Variants in PLXNB1 observed in about 807,000 individuals in gnomAD.
PLXNB1 encodes plexin B1, also known as plexin-B1.
PLXNB1 carries 106 observed loss-of-function variants against 209.4 expected under a neutral mutation model. The ratio of observed to expected loss-of-function variants is 0.51; its 90% confidence interval spans 0.43 to 0.59. The LOEUF is 0.59. PLXNB1 is among the 20% of genes least tolerant of loss of function. The probability of loss-of-function intolerance (pLI) is 0.00; values close to 1 mark genes in which losing one functional copy is unlikely to be tolerated. For missense variants in PLXNB1, 2,357 were observed against 2,853.2 expected, an observed-to-expected ratio of 0.83 and a Z score of 3.96; for synonymous variants, 1,167 against 1,183.2, an observed-to-expected ratio of 0.99 and a Z score of 0.28.
At position 48,417,840 on chromosome 3, in the gene PLXNB1, G is replaced by T; in HGVS notation, c.3374+71C>A. On this transcript the variant is annotated intron_variant, in intron 16 of 37. Coordinates refer to ENST00000296440, the MANE Select transcript of PLXNB1 (RefSeq NM_001130082.3). The surrounding 1 kb of genome is among the most constrained non-coding windows in gnomAD (Gnocchi z 4.4). ...GGGGCAGATGAGCGGTGGGTGGGAG[G>T]CCCCAAGCAGCAACGCCAACCGCGG... is the stretch of plus-strand genomic sequence containing the variant. 1 of 1,474,910 alleles carries T rather than the reference G, an allele frequency of 6.8e-7. No individual in the cohort carries two copies. Among genetic ancestry groups the T allele is most frequent in the Non-Finnish European group, 9.3e-7 (1 of 1,079,460 alleles). 91.4% of individuals were successfully genotyped at this position (1,474,910 alleles called of 1,614,324 possible). A position where few individuals can be genotyped will look rare whatever the true frequency, so the allele number is the denominator to read the frequency against.
At chr3:48,422,648 G>A in intron 4 of PLXNB1, 117 bp downstream of exon 4, 1 of 1,273,620 alleles carries the variant, frequency 7.9e-7, no homozygotes, top group Non-Finnish European at 1.1e-6. Context: ...GGGGAGAGGA[G>A]CTCAGGTCAT....
chr3:48,419,223 C>T lies in PLXNB1; in HGVS notation c.2832+21G>A, dbSNP rs770287180. 12 of 1,548,386 alleles carry T rather than the reference C, an allele frequency of 7.8e-6. 1 individual carries two copies. Among genetic ancestry groups the T allele is most frequent in the South Asian group, 6.1e-5 (5 of 81,302 alleles). ...ACAGCTAAGGAGGCTGCAAGGACAG[C>T]GGCAGGCAGGACACACTGACCTGGA... On this transcript the variant is annotated intron_variant, in intron 12 of 37. Coordinates refer to ENST00000296440, the MANE Select transcript of PLXNB1 (RefSeq NM_001130082.3). The surrounding 1 kb of genome is among the most constrained non-coding windows in gnomAD (Gnocchi z 5.7).
chr3:48,424,052 C>T lies in PLXNB1; in HGVS notation c.560G>A (p.Arg187Gln), dbSNP rs1469360260. 7 of 1,593,102 alleles carry T rather than the reference C, an allele frequency of 4.4e-6. No homozygotes were observed. Among genetic ancestry groups the T allele is most frequent in the East Asian group, 2.3e-5 (1 of 43,760 alleles). Residue 187 changes from arginine (R) to glutamine (Q), a missense_variant, in exon 3 of 38, where the codon CGG becomes CAG. By Grantham distance (43) the Arg-to-Gln change is conservative. Around this residue, in one of 7 missense-constraint regions of PLXNB1, gnomAD observed 404 missense variants for 443.6 expected, o/e 0.91. Coordinates refer to ENST00000296440, the MANE Select transcript of PLXNB1 (RefSeq NM_001130082.3). ...VGGGIPPITTRALWPPDPQAA... is the reference protein window; with the variant it reads ...VGGGIPPITTQALWPPDPQAA... ...TTGGGGGTCGGGCGGCCACAGGGCCCGGGTTGTGATGGGTGGAATGCCACC... is the reference window on the plus strand; with the variant it reads ...TTGGGGGTCGGGCGGCCACAGGGCCTGGGTTGTGATGGGTGGAATGCCACC...
At chr3:48,422,636 C>G in intron 4 of PLXNB1, 129 bp downstream of exon 4, 1 of 1,255,946 alleles carries the variant, frequency 8.0e-7, no homozygotes, top group Non-Finnish European at 1.1e-6. Flanking sequence ...CCACCCAGTC[C>G]TGGGGAGAGG....
Position 48,416,151 on chromosome 3 carries a change from G to C in PLXNB1, c.3497C>G (p.Ser1166Cys). 6.3e-7 allele frequency: 1 copy of C among 1,599,206 alleles called. No individual in the cohort carries two copies. Among genetic ancestry groups the C allele is most frequent in the East Asian group, 2.3e-5 (1 of 44,124 alleles). ...DFAYQDPKVH[S>C]IFPARGPRAG... ...TCTGGGGCCGCGGGCCGGGAAGATG[G>C]AATGGACCTTCGGATCCTGTGGGAC... Residue 1166 changes from serine to cysteine, a missense_variant, in exon 18 of 38, where the codon TCC becomes TGC. Around this residue, in one of 7 missense-constraint regions of PLXNB1, gnomAD observed 743 missense variants for 896.2 expected, o/e 0.83. Transcript: ENST00000296440. This position sits in a 1 kb window ranked among gnomAD's most constrained non-coding sequence, Gnocchi z 4.1.
Position 48,424,245 on chromosome 3 carries a change from G to A in PLXNB1, c.367C>T (p.Arg123Cys), listed in dbSNP as rs781079560. 50 of 1,601,598 alleles carry A rather than the reference G, an allele frequency of 3.1e-5. No homozygotes were observed. The highest frequency in any genetic ancestry group is 6.8e-5 in the East Asian group (3 of 44,350). Reference protein sequence around the residue: ...SVHQGVCEQRRLGQLEQLLLR... With the variant: ...SVHQGVCEQRCLGQLEQLLLR... ...AGCAGCTGCTCGAGCTGCCCCAGGC[G>A]CCGCTGTTCACAGACCCCCTGGTGC... Residue 123 changes from arginine (R) to cysteine (C), a missense_variant, in exon 3 of 38, where the codon CGC (arginine) becomes TGC (cysteine). Around this residue, in one of 7 missense-constraint regions of PLXNB1, gnomAD observed 107 missense variants for 167.2 expected, o/e 0.64. Transcript: ENST00000296440.
Position 48,424,162 on chromosome 3 carries a change from G to A in PLXNB1, c.450C>T (p.Val150=). The A allele has an allele frequency of 6.3e-7, 1 of 1,578,252 alleles. No homozygotes were observed. The highest frequency in any genetic ancestry group is 2.3e-5 in the East Asian group (1 of 43,726). Residue 150 remains valine (V), a synonymous_variant, in exon 3 of 38, where the codon GTC becomes GTT. Coordinates refer to ENST00000296440, the MANE Select transcript of PLXNB1 (RefSeq NM_001130082.3). The part of the protein sequence containing the change: ...TQYVAANDPA[V]STVGLVAQGL... ...CCTGGGCTACCAGCCCCACCGTGCTGACCGCAGGATCATTGGCAGCCACAT... is the reference window on the plus strand; with the variant it reads ...CCTGGGCTACCAGCCCCACCGTGCTAACCGCAGGATCATTGGCAGCCACAT...
rs931270935 is a variant in PLXNB1 at position 48,418,895 on chromosome 3, C to T, written c.2955+22G>A. ...GGCCAGTGCAGTGCACCCGTGCCCA[C>T]CCAGGCGCTCATGGTGTGCACCTGG... On this transcript the variant is annotated intron_variant, in intron 13 of 37. Coordinates refer to ENST00000296440, the MANE Select transcript of PLXNB1 (RefSeq NM_001130082.3). This position sits in a 1 kb window ranked among gnomAD's most constrained non-coding sequence, Gnocchi z 6.6. The T allele has an allele frequency of 6.2e-7, 1 of 1,613,534 alleles. No homozygotes were observed. Among genetic ancestry groups the T allele is most frequent in the Non-Finnish European group, 8.5e-7 (1 of 1,179,846 alleles).
rs982254785 is a variant in PLXNB1, at chr3:48,410,785, A to G, written c.5416+83T>C. The G allele has an allele frequency of 1.5e-6, 2 of 1,357,524 alleles. No homozygotes were observed. Among genetic ancestry groups the G allele is most frequent in the Non-Finnish European group, 1.0e-6 (1 of 987,174 alleles). The allele number at this position is 1,357,524 out of a possible 1,614,324, so 84.1% of individuals were successfully genotyped here. On this transcript the variant is annotated intron_variant, in intron 29 of 37. Coordinates refer to ENST00000296440, the MANE Select transcript of PLXNB1 (RefSeq NM_001130082.3). This position sits in a 1 kb window ranked among gnomAD's most constrained non-coding sequence, Gnocchi z 6.4. ...CCCAGCATCCTCCCCACCCTGAGTG[A>G]TGAGTTGTCCCTGCAGAGTTGGTCC...
In PLXNB1 at chr3:48,419,893, G is replaced by A. The variant is rs2038382016; in HGVS notation, c.2393C>T (p.Ala798Val). The change falls in exon 11 of 38, where the codon GCA becomes GTA. Residue 798 changes from alanine to valine, a missense_variant. Physicochemically the swap from Ala to Val is moderately conservative, Grantham distance 64. This residue lies in a region of PLXNB1 where 410 missense variants were observed against 401.0 expected (regional missense o/e 1.02). Transcript: ENST00000296440. This position sits in a 1 kb window ranked among gnomAD's most constrained non-coding sequence, Gnocchi z 5.7. ...GCCAGGGTCTGCAGGGGGCACTGCT[G>A]CTACCTCTGAGGGTGACAGCGGGGA... The part of the protein sequence containing the change: ...LASPLSPSEV[A>V]AVPPADPGPE... 6.4e-7 allele frequency: 1 copy of A among 1,564,718 alleles called. No individual in the cohort carries two copies. The highest frequency in any genetic ancestry group is 1.2e-5 in the South Asian group (1 of 82,682).
rs1014990002 is a variant in PLXNB1 at position 48,429,539 on chromosome 3, C to G, written c.-60+469G>C. The G allele has an allele frequency of 2.0e-5, 3 of 151,470 alleles. No homozygotes were observed. Among genetic ancestry groups the G allele is most frequent in the Non-Finnish European group, 4.4e-5 (3 of 67,808 alleles). 9.4% of individuals were successfully genotyped at this position (151,470 alleles called of 1,614,324 possible). ...CCGCCCGGGCCAGGCCGGAAGCAGC[C>G]CGGAGAGCCGGGCGCGCGGCCCCGA... On this transcript the variant is annotated intron_variant, in intron 1 of 37. Transcript: ENST00000296440. This position sits in a 1 kb window ranked among gnomAD's most constrained non-coding sequence, Gnocchi z 6.4.
In PLXNB1 at chr3:48,415,316, T is replaced by G; in HGVS notation, c.3826A>C (p.Asn1276His). 6.2e-7 allele frequency: 1 copy of G among 1,613,568 alleles called. No homozygotes were observed. Among genetic ancestry groups the G allele is most frequent in the Non-Finnish European group, 8.5e-7 (1 of 1,179,990 alleles). ...GGREICVRGQ[N>H]LDVVQTPRIR... ...CTTGGCGTCTGTACCACGTCCAGAT[T>G]CTGGCCACGGACGCATATCTCACGT... The change falls in exon 20 of 38, where the codon AAT becomes CAT. Residue 1276 changes from asparagine (N) to histidine (H), a missense_variant. Physicochemically the swap from Asn to His is moderately conservative, Grantham distance 68. This residue lies in a region of PLXNB1 where 743 missense variants were observed against 896.2 expected (regional missense o/e 0.83). Coordinates refer to ENST00000296440, the MANE Select transcript of PLXNB1 (RefSeq NM_001130082.3). The surrounding 1 kb of genome is among the most constrained non-coding windows in gnomAD (Gnocchi z 5.0).
In PLXNB1 at chr3:48,423,575, C is replaced by T. The variant is rs371044732; in HGVS notation, c.1037G>A (p.Arg346His). 37 of 1,614,058 alleles carry T rather than the reference C, an allele frequency of 2.3e-5. No homozygotes were observed. The highest frequency in any genetic ancestry group is 1.6e-4 in the Middle Eastern group (1 of 6,084). Residue 346 changes from arginine (R) to histidine (H), a missense_variant, in exon 3 of 38, where the codon CGT (arginine) becomes CAT (histidine). By Grantham distance (29) the Arg-to-His change is conservative. Around this residue, in one of 7 missense-constraint regions of PLXNB1, gnomAD observed 404 missense variants for 443.6 expected, o/e 0.91. Transcript: ENST00000296440. Reference sequence around the variant, plus strand: ...GGCCACCTCGGTCCCATCCTCAGCACGACCCTCCCGGGTGTAGCAGGCATC... The same window carrying T: ...GGCCACCTCGGTCCCATCCTCAGCATGACCCTCCCGGGTGTAGCAGGCATC... ...TRDACYTREG[R>H]AEDGTEVAYI...
rs1208612798 is a variant in PLXNB1 at position 48,420,607 on chromosome 3, A to G, written c.2028+58T>C. 15 of 1,378,272 alleles carry G rather than the reference A, an allele frequency of 1.1e-5. No individual in the cohort carries two copies. The Admixed American group carries it at 2.5e-4, about 23-fold the overall frequency. 85.4% of individuals were successfully genotyped at this position (1,378,272 alleles called of 1,614,324 possible). Reference sequence around the variant, plus strand: ...AGACAGACCCCGGGCCATGAGAAAAACTCTCACACTGGGACCCCCAACCCC... The same window carrying G: ...AGACAGACCCCGGGCCATGAGAAAAGCTCTCACACTGGGACCCCCAACCCC... On this transcript the variant is annotated intron_variant, in intron 10 of 37. Coordinates refer to ENST00000296440, the MANE Select transcript of PLXNB1 (RefSeq NM_001130082.3).
chr3:48,413,440 T>C lies in PLXNB1; in HGVS notation c.4535+230A>G, dbSNP rs2037836274. 3.3e-6 allele frequency: 2 copies of C among 603,160 alleles called. No individual in the cohort carries two copies. Among genetic ancestry groups the C allele is most frequent in the East Asian group, 2.8e-5 (1 of 35,922 alleles). 37.4% of individuals were successfully genotyped at this position (603,160 alleles called of 1,614,324 possible). A position where few individuals can be genotyped will look rare whatever the true frequency, so the allele number is the denominator to read the frequency against. On this transcript the variant is annotated intron_variant, in intron 23 of 37. Transcript: ENST00000296440. The surrounding 1 kb of genome is among the most constrained non-coding windows in gnomAD (Gnocchi z 5.4). ...TCCCACAACCTATTTTTATAAAGATTTGTTAGAACACAGCCACTTTCATGT... is the reference window on the plus strand; with the variant it reads ...TCCCACAACCTATTTTTATAAAGATCTGTTAGAACACAGCCACTTTCATGT...
chr3:48,404,491 G>C lies in PLXNB1; in HGVS notation c.6403C>G (p.Leu2135Val), dbSNP rs757619709. ...AAAVENKVTD[L>V] is the part of the protein sequence containing the mutation. ...AGGCCGTGGCTCCTGGGTTCCTATA[G>C]ATCTGTGACCTTGTTTTCCACAGCA... Residue 2135 changes from leucine to valine, a missense_variant, in exon 38 of 38, where the codon CTA becomes GTA. By Grantham distance (32) the Leu-to-Val change is conservative (BLOSUM62 1). Coordinates refer to ENST00000296440, the MANE Select transcript of PLXNB1 (RefSeq NM_001130082.3). 1.9e-6 allele frequency: 3 copies of C among 1,609,842 alleles called. No individual in the cohort carries two copies. In the East Asian group the frequency reaches 6.7e-5, roughly 36 times the overall value.
rs766495731 is a variant in PLXNB1, at chr3:48,416,359, T to A, written c.3467A>T (p.Asp1156Val). Residue 1156 changes from aspartate to valine, a missense_variant, in exon 17 of 38, where the codon GAC becomes GTC. Asp to Val is a radical substitution (Grantham distance 152). Around this residue, in one of 7 missense-constraint regions of PLXNB1, gnomAD observed 743 missense variants for 896.2 expected, o/e 0.83. Coordinates refer to ENST00000296440, the MANE Select transcript of PLXNB1 (RefSeq NM_001130082.3). This position sits in a 1 kb window ranked among gnomAD's most constrained non-coding sequence, Gnocchi z 4.1. The part of the protein sequence containing the change: ...PGRGRGVSEH[D>V]FAYQDPKVHS... ...GCAGTCAGGTACCTGGTAGGCAAAG[T>A]CGTGTTCTGAGACACCACGTCCTCT... 8.1e-6 allele frequency: 13 copies of A among 1,612,008 alleles called. No individual in the cohort carries two copies. In the South Asian group the frequency reaches 1.1e-4, roughly 14 times the overall value.
chr3:48,424,356 C>G lies in PLXNB1; in HGVS notation c.256G>C (p.Asp86His). ...SRDCLPPVMP[D>H]ECPQAQPTNN... ...GTAGGCTGGGCCTGGGGGCACTCAT[C>G]AGGCATCACAGGTGGCAGGCAGTCC... is the stretch of plus-strand genomic sequence containing the variant. The change falls in exon 3 of 38, where the codon GAT becomes CAT. Residue 86 changes from aspartate to histidine, a missense_variant. By Grantham distance (81) the Asp-to-His change is moderately conservative (BLOSUM62 -1). This residue lies in a region of PLXNB1 where 107 missense variants were observed against 167.2 expected (regional missense o/e 0.64). Coordinates refer to ENST00000296440, the MANE Select transcript of PLXNB1 (RefSeq NM_001130082.3). 2 of 1,554,446 alleles carry G rather than the reference C, an allele frequency of 1.3e-6. No homozygotes were observed. The highest frequency in any genetic ancestry group is 1.7e-6 in the Non-Finnish European group (2 of 1,148,450).
In PLXNB1 at chr3:48,406,889, T is replaced by C. The variant is rs764940590; in HGVS notation, c.6162A>G (p.Ala2054=). The C allele has an allele frequency of 1.9e-6, 3 of 1,613,250 alleles. No individual in the cohort carries two copies. The highest frequency in any genetic ancestry group is 3.3e-4 in the Middle Eastern group (2 of 6,062). ...TGGCTGGGACAGTCTGTCTGATGTCTGCATAGTACCTGCCAGAGAGCCAGG... is the reference window on the plus strand; with the variant it reads ...TGGCTGGGACAGTCTGTCTGATGTCCGCATAGTACCTGCCAGAGAGCCAGG... The part of the protein sequence containing the change: ...RYKRMVERYY[A]DIRQTVPASD... The change falls in exon 36 of 38, where the codon GCA becomes GCG. Residue 2054 remains alanine, a synonymous_variant. Transcript: ENST00000296440. The surrounding 1 kb of genome is among the most constrained non-coding windows in gnomAD (Gnocchi z 4.4).
Sources: gnomAD v4.1 joint callset for allele counts on GRCh38, gnomAD v4.1.1 for gene constraint, gnomAD v4.1.1 regional missense constraint, Gnocchi (gnomAD v3.1) non-coding constraint, MANE v1.5 for transcripts, NCBI Gene and HGNC (gene_info 2026-07-23, HGNC 2026-07-21) for gene names.